The following LNP1 variants were observed in gnomAD, a reference collection of about 807,000 sequenced individuals.
The protein encoded by LNP1 is leukemia NUP98 fusion partner 1.
Under a neutral mutation model 14.5 loss-of-function variants are expected in LNP1, and 12 were observed. The observed-to-expected ratio is 0.83, with a 90% CI of 0.53 to 1.34. The LOEUF is 1.34. Among genes scored for constraint, LNP1 ranks in the 40% most tolerant of loss-of-function variants. The pLI, the probability that LNP1 is intolerant of heterozygous loss-of-function variation, is 0.00. For synonymous variants in LNP1, 75 were observed against 71.4 expected, an observed-to-expected ratio of 1.05 and a Z score of -0.26; for missense variants, 198 against 210.9, an observed-to-expected ratio of 0.94 and a Z score of 0.38.
At chr3:100,450,840 C>T (rs888807413) in intron 2 of LNP1, among the ~76,000 whole-genome samples, 2 of 152,088 alleles carry the variant, frequency 1.3e-5, no homozygotes, top group African/African-American at 4.8e-5. Context: ...ATCATGGCAA[C>T]AGGAAATCTT....
At chr3:100,445,601 T>A (rs927014744) in intron 2 of LNP1, among the ~76,000 whole-genome samples, 3 of 152,202 alleles carry the variant, frequency 2.0e-5, no homozygotes, top group Non-Finnish European at 4.4e-5. Flanking sequence ...AAAAACATTT[T>A]TAATCTCAGT....
chr3:100,403,335 G>A (rs1328266342), intron 1 of LNP1, among the ~76,000 whole-genome samples: 1 of 152,176 alleles, frequency 6.6e-6, no homozygotes, highest in African/African-American at 2.4e-5. Context: ...TTCTGTATAT[G>A]TGAACATAGA....
chr3:100,441,240 A>C (rs1707340988), intron 2 of LNP1, among the ~76,000 whole-genome samples: 1 of 152,246 alleles, frequency 6.6e-6, no homozygotes, highest in South Asian at 2.1e-4. Context: ...TGTGGATAAC[A>C]GAGTTGAATG....
At chr3:100,454,631 A>C (rs115758009) in intron 3 of LNP1, among the ~76,000 whole-genome samples, 2 of 152,184 alleles carry the variant, frequency 1.3e-5, no homozygotes, top group Admixed American at 1.3e-4. Context: ...GATAATTTTC[A>C]CATTTAGCAT....
chr3:100,455,803 T>C lies in LNP1; in HGVS notation c.414T>C (p.Asn138=), dbSNP rs376299521. 1.2e-5 allele frequency: 19 copies of C among 1,613,440 alleles called. No individual in the cohort carries two copies. Among genetic ancestry groups the C allele is most frequent in the Admixed American group, 3.3e-5 (2 of 59,956 alleles). ...GACCTGAAAGCAGAAAGGAGAGAAA[T>C]GAAAGAGAATGCCTGAGGATGGAGA... ...SLGPESRKER[N]ERECLRMEIK... The change falls in exon 4 of 4, where the codon AAT becomes AAC. Residue 138 remains asparagine, a synonymous_variant. Coordinates refer to ENST00000383693, the MANE Select transcript of LNP1 (RefSeq NM_001085451.2).
Position 100,456,036 on chromosome 3 carries a change from G to A in LNP1, c.*110G>A. On this transcript the variant is annotated 3_prime_UTR_variant, in exon 4 of 4. Coordinates refer to ENST00000383693, the MANE Select transcript of LNP1 (RefSeq NM_001085451.2). Reference sequence around the variant, plus strand: ...GGGGGCGGGGTTGGGGGTAAAAACAGCTATAAAAAGCAACTGCAGATGCTG... The same window carrying A: ...GGGGGCGGGGTTGGGGGTAAAAACAACTATAAAAAGCAACTGCAGATGCTG... The A allele has an allele frequency of 8.4e-7, 1 of 1,185,022 alleles. No homozygotes were observed. The highest frequency in any genetic ancestry group is 1.2e-6 in the Non-Finnish European group (1 of 835,940). 73.4% of individuals were successfully genotyped at this position (1,185,022 alleles called of 1,614,324 possible).
At chr3:100,455,626 T>C in intron 3 of LNP1, 151 bp from the exon 4 acceptor site, 1 of 728,732 alleles carries the variant, frequency 1.4e-6, no homozygotes, top group South Asian at 1.8e-5. Flanking sequence ...TTTAGCAACA[T>C]CCTTAGGTTT....
At chr3:100,445,389 C>T (rs1369560867) in intron 2 of LNP1, among the ~76,000 whole-genome samples, 1 of 152,188 alleles carries the variant, frequency 6.6e-6, no homozygotes, top group East Asian at 1.9e-4. Context: ...GCTTTAATTT[C>T]TGGCCCTGGG....
At chr3:100,441,386 C>A (rs145266513) in intron 2 of LNP1, among the ~76,000 whole-genome samples, 3 of 152,212 alleles carry the variant, frequency 2.0e-5, no homozygotes, top group African/African-American at 7.2e-5. Context: ...ATTGAGAGAG[C>A]AAATGTCATA....
At chr3:100,411,958 A>G (rs1469097662) in intron 1 of LNP1, among the ~76,000 whole-genome samples, 2 of 152,212 alleles carry the variant, frequency 1.3e-5, no homozygotes, top group Non-Finnish European at 2.9e-5. Flanking sequence ...AAGTAAATAA[A>G]TATTCTGCTA....
chr3:100,410,926 C>T (rs1282923891), intron 1 of LNP1, among the ~76,000 whole-genome samples: 1 of 152,156 alleles, frequency 6.6e-6, no homozygotes, highest in Non-Finnish European at 1.5e-5. Flanking sequence ...TGGGTGTGCC[C>T]TTCCAGTTTT....
intron 2 of LNP1, among the ~76,000 whole-genome samples, chr3:100,435,670 G>A (rs548646393): frequency 2.2e-4 from 33 of 152,100 alleles, no homozygotes; most frequent in Admixed American, 1.3e-4. Flanking sequence ...GGAGGGGTAG[G>A]GGGTAGGAGC....
chr3:100,419,751 T>C (rs1435571735), intron 1 of LNP1, among the ~76,000 whole-genome samples: 3 of 152,220 alleles, frequency 2.0e-5, no homozygotes, highest in South Asian at 4.1e-4. Context: ...TTTATATAAT[T>C]ATAAAATTCC....
chr3:100,407,155 A>G (rs1706977847), intron 1 of LNP1, among the ~76,000 whole-genome samples: 1 of 152,254 alleles, frequency 6.6e-6, no homozygotes, highest in African/African-American at 2.4e-5. Flanking sequence ...ATTATAAATT[A>G]AATTTAGCTA....
chr3:100,407,003 TTAAG>T (rs1706975346), intron 1 of LNP1, among the ~76,000 whole-genome samples: 2 of 152,370 alleles, frequency 1.3e-5, no homozygotes, highest in South Asian at 4.1e-4. Context: ...ATTTCACAAT[TTAAG>T]TATTTTTATA....
chr3:100,435,725 T>C (rs1466941173), intron 2 of LNP1, among the ~76,000 whole-genome samples: 1 of 152,106 alleles, frequency 6.6e-6, no homozygotes, highest in African/African-American at 2.4e-5. Context: ...CAACAGTTTA[T>C]AGGAGGAGCT....
At chr3:100,413,977 T>G (rs1707056340) in intron 1 of LNP1, among the ~76,000 whole-genome samples, 1 of 152,102 alleles carries the variant, frequency 6.6e-6, no homozygotes, top group African/African-American at 2.4e-5. Context: ...TAGCCTTAAC[T>G]TCAACAATGA....
chr3:100,443,159 A>G (rs1707360327), intron 2 of LNP1, among the ~76,000 whole-genome samples: 1 of 152,248 alleles, frequency 6.6e-6, no homozygotes, highest in East Asian at 1.9e-4. Context: ...TGATGACTCC[A>G]AATGAGAAAA....
chr3:100,409,994 TC>T (rs1707013916), intron 1 of LNP1, among the ~76,000 whole-genome samples: 1 of 151,408 alleles, frequency 6.6e-6, no homozygotes, highest in Non-Finnish European at 1.5e-5. Context: ...TATCTATCTA[TC>T]TATCTACCTA....
Sources: gnomAD v4.1 joint callset for allele counts (sites outside exome capture counted in the v4.1 genomes callset) on GRCh38, gnomAD v4.1.1 for gene constraint, MANE v1.5 for transcripts, NCBI Gene and HGNC (gene_info 2026-07-23, HGNC 2026-07-21) for gene names.